Variants in NUDCD3 observed in about 807,000 individuals in gnomAD.
The protein encoded by NUDCD3 is NudC domain containing 3.
NUDCD3 carries 13 observed loss-of-function variants against 39.7 expected under a neutral mutation model. The observed-to-expected ratio is 0.33, with a 90% confidence interval of 0.21 to 0.52. The LOEUF is 0.52. Among genes scored for constraint, NUDCD3 ranks in the 20% least tolerant of loss-of-function variants. The probability of loss-of-function intolerance (pLI) is 0.96; values close to 1 mark genes in which losing one functional copy is unlikely to be tolerated. For synonymous variants in NUDCD3, 175 were observed against 172.4 expected (o/e 1.02, Z -0.12); for missense variants, 453 against 458.1 (o/e 0.99, Z 0.10).
Position 44,386,249 on chromosome 7 carries a change from C to T in NUDCD3, c.976-128G>A, listed in dbSNP as rs207467822. ...GGGCTCAGGCACTTGCCTGGCAAGACCGGCTGGCCAGAGAACTGTACTACC... is the reference window on the plus strand; with the variant it reads ...GGGCTCAGGCACTTGCCTGGCAAGATCGGCTGGCCAGAGAACTGTACTACC... On this transcript the variant is annotated intron_variant, in intron 5 of 5. Transcript: ENST00000355451. The T allele has an allele frequency of 3.0e-6, 3 of 1,003,474 alleles. No individual in the cohort carries two copies. In the South Asian group the frequency reaches 4.7e-5, roughly 16 times the overall value. 62.2% of individuals were successfully genotyped at this position (1,003,474 alleles called of 1,614,324 possible).
At chr7:44,412,733 C>T (rs1798951594) in intron 3 of NUDCD3, among the ~76,000 whole-genome samples, 1 of 151,896 alleles carries the variant, frequency 6.6e-6, no homozygotes, top group South Asian at 2.1e-4. Context: ...CGAGGCCATC[C>T]TGGCTAACAC....
At chr7:44,386,863 G>A (rs933505484) in intron 5 of NUDCD3, among the ~76,000 whole-genome samples, 3 of 152,196 alleles carry the variant, frequency 2.0e-5, no homozygotes, top group African/African-American at 7.2e-5. Flanking sequence ...CCTGAGGGAA[G>A]CATCTGTACC....
intron 2 of NUDCD3, 100 bp downstream of exon 2, chr7:44,484,868 T>C: frequency 2.3e-6 from 2 of 884,606 alleles, no homozygotes; most frequent in Non-Finnish European, 1.7e-6. Context: ...AATACTGAGA[T>C]CAAGAATTAA....
chr7:44,388,363 T>C (rs564767969), intron 5 of NUDCD3, among the ~76,000 whole-genome samples: 66 of 152,316 alleles, frequency 4.3e-4, no homozygotes, highest in African/African-American at 1.3e-3. Flanking sequence ...ACTCTCACGA[T>C]AGTCTCTCTG....
At chr7:44,474,957 G>A (rs1800333001) in intron 2 of NUDCD3, among the ~76,000 whole-genome samples, 1 of 152,156 alleles carries the variant, frequency 6.6e-6, no homozygotes, top group African/African-American at 2.4e-5. Context: ...TCCACAGATA[G>A]CTGAATCTGA....
chr7:44,461,792 C>T (rs532229958), intron 2 of NUDCD3, among the ~76,000 whole-genome samples: 2 of 152,214 alleles, frequency 1.3e-5, no homozygotes, highest in East Asian at 3.9e-4. Context: ...TCTCAAATGC[C>T]AGAAATGCTT....
At chr7:44,415,528 C>G (rs1393626130) in intron 3 of NUDCD3, among the ~76,000 whole-genome samples, 1 of 152,172 alleles carries the variant, frequency 6.6e-6, no homozygotes, top group Non-Finnish European at 1.5e-5. Flanking sequence ...GGAACACTTT[C>G]TAGTTTTCTT....
intron 2 of NUDCD3, among the ~76,000 whole-genome samples, chr7:44,478,618 T>G (rs575177716): frequency 6.6e-6 from 1 of 152,336 alleles, no homozygotes; most frequent in East Asian, 1.9e-4. Context: ...TCATTTGACA[T>G]GCCCTGGCAG....
intron 3 of NUDCD3, among the ~76,000 whole-genome samples, chr7:44,413,844 G>C (rs773906213): frequency 6.6e-6 from 1 of 152,100 alleles, no homozygotes; most frequent in Non-Finnish European, 1.5e-5. Flanking sequence ...CTTGTGCCCA[G>C]GAGTACAAGA....
Position 44,417,172 on chromosome 7 carries a change from G to A in NUDCD3, c.642+10399C>T, listed in dbSNP as rs117060616. On this transcript the variant is annotated intron_variant, in intron 3 of 5. Transcript: ENST00000355451. The stretch of plus-strand genomic sequence containing the variant: ...AGCACAGCCCACACGTTTAGAAAAC[G>A]TCTAATGTAGAATGAGCCAAATCCA... Among the ~76,000 whole-genome samples the A allele has an allele frequency of 6.0e-4, 92 of 152,312 alleles. 1 individual carries two copies. In the East Asian group the frequency reaches 0.016, roughly 27 times the overall value.
chr7:44,453,849 G>C (rs954128107), intron 2 of NUDCD3, among the ~76,000 whole-genome samples: 4 of 151,966 alleles, frequency 2.6e-5, no homozygotes, highest in Admixed American at 6.5e-5. Flanking sequence ...TTCAAGACCA[G>C]CCTGAGCAAC....
chr7:44,427,822 A>C, intron 2 of NUDCD3, 119 bp from the exon 3 acceptor site: 118 of 1,004,534 alleles, frequency 1.2e-4, no homozygotes, highest in Non-Finnish European at 1.4e-4. Flanking sequence ...GTTTCATCTC[A>C]AGTTCACTGG....
In NUDCD3 at chr7:44,484,994, G is replaced by A; in HGVS notation, c.483C>T (p.Val161=). 1.9e-6 allele frequency: 3 copies of A among 1,613,396 alleles called. No individual in the cohort carries two copies. The highest frequency in any genetic ancestry group is 1.7e-6 in the Non-Finnish European group (2 of 1,179,522). ...APGAVAGAAE[V]PREPPILPRI... ...TGGGAAGAATTGGTGGTTCCCTAGG[G>A]ACTTCAGCAGCACCAGCAACTGCTC... is the stretch of plus-strand genomic sequence containing the variant. The change falls in exon 2 of 6, where the codon GTC becomes GTT. Residue 161 remains valine, a synonymous_variant. Coordinates refer to ENST00000355451, the MANE Select transcript of NUDCD3 (RefSeq NM_015332.4).
At chr7:44,465,211 T>C (rs535480178) in intron 2 of NUDCD3, among the ~76,000 whole-genome samples, 1 of 152,240 alleles carries the variant, frequency 6.6e-6, no homozygotes, top group African/African-American at 2.4e-5. Flanking sequence ...TATATTACTA[T>C]AAAGAAACTT....
intron 5 of NUDCD3, among the ~76,000 whole-genome samples, chr7:44,386,519 T>C (rs1798405701): frequency 6.6e-6 from 1 of 152,102 alleles, no homozygotes; most frequent in Admixed American, 6.6e-5. Context: ...ACCAGGGTTG[T>C]AGAGAAGGTG....
At chr7:44,416,668 G>C (rs1799030518) in intron 3 of NUDCD3, among the ~76,000 whole-genome samples, 1 of 152,134 alleles carries the variant, frequency 6.6e-6, no homozygotes. Context: ...AAGGCCTATT[G>C]TCACATAGAT....
At chr7:44,468,272 A>T (rs369085280) in intron 2 of NUDCD3, 3 of 1,591,102 alleles carry the variant, frequency 1.9e-6, no homozygotes, top group African/African-American at 2.7e-5. Context: ...CACCAACCCC[A>T]ATGCCAGGCT....
chr7:44,401,626 C>A (rs1434323214), intron 4 of NUDCD3, among the ~76,000 whole-genome samples: 1 of 152,182 alleles, frequency 6.6e-6, no homozygotes, highest in Admixed American at 6.5e-5. Context: ...GGAAAGAACT[C>A]ATGCAGTGTT....
intron 4 of NUDCD3, 121 bp downstream of exon 4, chr7:44,404,319 C>T: frequency 5.0e-6 from 5 of 997,942 alleles, no homozygotes; most frequent in Non-Finnish European, 7.5e-6. Context: ...AACCCATCTG[C>T]CCCAGCAGCT....
Sources: gnomAD v4.1 joint callset for allele counts (sites outside exome capture counted in the v4.1 genomes callset) on GRCh38, gnomAD v4.1.1 for gene constraint, MANE v1.5 for transcripts, NCBI Gene and HGNC (gene_info 2026-07-23, HGNC 2026-07-21) for gene names.